MARCHF1: variants seen among roughly 807,000 people sequenced by gnomAD.
MARCHF1 encodes membrane associated ring-CH-type finger 1.
Under a neutral mutation model 54.2 loss-of-function variants are expected in MARCHF1, and 40 were observed. The observed-to-expected ratio is 0.74, with a 90% confidence interval of 0.57 to 0.96. The LOEUF (loss-of-function observed/expected upper bound fraction) is 0.96. MARCHF1 is among the 40% of genes least tolerant of loss of function. The pLI, the probability that MARCHF1 is intolerant of heterozygous loss-of-function variation, is 0.00. For synonymous variants in MARCHF1, 236 were observed against 236.3 expected, an observed-to-expected ratio of 1.00 and a Z score of 0.01; for missense variants, 586 against 656.5, an observed-to-expected ratio of 0.89 and a Z score of 1.17.
chr4:164,237,628 G>A (rs1233635612), intron 1 of MARCHF1, among the ~76,000 whole-genome samples: 2 of 151,936 alleles, frequency 1.3e-5, no homozygotes, highest in Admixed American at 6.6e-5. Flanking sequence ...AAAACACTCT[G>A]ATATTGCTTT....
chr4:164,072,721 A>C (rs1037960680), intron 2 of MARCHF1, among the ~76,000 whole-genome samples: 2 of 151,856 alleles, frequency 1.3e-5, no homozygotes, highest in Non-Finnish European at 2.9e-5. Flanking sequence ...AAAAAAAAAA[A>C]AAAACTTCAT....
At chr4:164,139,562 C>T (rs1262764938) in intron 1 of MARCHF1, among the ~76,000 whole-genome samples, 2 of 151,074 alleles carry the variant, frequency 1.3e-5, no homozygotes, top group East Asian at 3.9e-4. Context: ...CACAAAGGGG[C>T]TGGGAAAGTA....
chr4:163,750,489 T>A (rs111960218), intron 4 of MARCHF1, among the ~76,000 whole-genome samples: 5,853 of 150,912 alleles, frequency 0.039, 167 homozygotes, highest in East Asian at 0.077. Context: ...CCAGCCTGGG[T>A]GACAGAGCAA....
chr4:164,159,674 A>G (rs1387481047), intron 1 of MARCHF1, among the ~76,000 whole-genome samples: 1 of 152,184 alleles, frequency 6.6e-6, no homozygotes, highest in Non-Finnish European at 1.5e-5. Context: ...TTGTGCAGAA[A>G]CGTTTTTAAT....
intron 1 of MARCHF1, among the ~76,000 whole-genome samples, chr4:164,320,479 G>A (rs566097340): frequency 5.3e-5 from 8 of 152,090 alleles, no homozygotes; most frequent in Admixed American, 2.0e-4. Flanking sequence ...AGGGACAACC[G>A]TTTCTCACTT....
chr4:164,092,164 G>T (rs1021623844), intron 2 of MARCHF1, among the ~76,000 whole-genome samples: 1 of 152,048 alleles, frequency 6.6e-6, no homozygotes, highest in South Asian at 2.1e-4. Flanking sequence ...GTAGTCAGCT[G>T]GGGGAAACAG....
intron 2 of MARCHF1, among the ~76,000 whole-genome samples, chr4:164,025,383 A>C (rs1448284537): frequency 1.3e-5 from 2 of 152,182 alleles, no homozygotes; most frequent in Non-Finnish European, 2.9e-5. Context: ...AATCATACCA[A>C]CCACACTCTC....
chr4:164,249,889 T>C (rs571346979), intron 1 of MARCHF1, among the ~76,000 whole-genome samples: 1 of 152,088 alleles, frequency 6.6e-6, no homozygotes, highest in South Asian at 2.1e-4. Context: ...GAAAATACAA[T>C]AGAAAACTTT....
intron 1 of MARCHF1, among the ~76,000 whole-genome samples, chr4:164,128,130 C>A (rs1278373608): frequency 1.3e-5 from 2 of 152,030 alleles, no homozygotes; most frequent in Non-Finnish European, 2.9e-5. Flanking sequence ...GGATCTATGT[C>A]TAACACCACA....
intron 4 of MARCHF1, among the ~76,000 whole-genome samples, chr4:163,735,780 CATT>C (rs1231148510): frequency 6.6e-6 from 1 of 152,150 alleles, no homozygotes; most frequent in African/African-American, 2.4e-5. Context: ...CTGGAACACT[CATT>C]GTTACCAATT....
chr4:163,642,644 A>T (rs1037320251), intron 5 of MARCHF1, among the ~76,000 whole-genome samples: 1 of 152,132 alleles, frequency 6.6e-6, no homozygotes, highest in Non-Finnish European at 1.5e-5. Flanking sequence ...AAATGAAGGG[A>T]TGGGTGATTA....
chr4:164,176,967 T>C lies in MARCHF1; in HGVS notation c.-322-65305A>G, dbSNP rs1207419211. Among the ~76,000 whole-genome samples the C allele has an allele frequency of 3.4e-4, 15 of 44,248 alleles. 1 individual carries two copies. Among genetic ancestry groups the C allele is most frequent in the African/African-American group, 1.1e-3 (10 of 9,202 alleles). 29.0% of individuals were successfully genotyped at this position (44,248 alleles called of 152,430 possible). On this transcript the variant is annotated intron_variant, in intron 1 of 9. Coordinates refer to ENST00000514618, the MANE Select transcript of MARCHF1 (RefSeq NM_001394959.1). ...CTCTCTCTCTCTCTCTCTCTCTCTC[T>C]CTCTCTCTCTCTCTATATATATATA...
At chr4:163,962,462 T>C (rs1004796725) in intron 3 of MARCHF1, among the ~76,000 whole-genome samples, 1 of 151,894 alleles carries the variant, frequency 6.6e-6, no homozygotes, top group African/African-American at 2.4e-5. Context: ...TACAGGTCCA[T>C]AGTTCTTATT....
intron 1 of MARCHF1, among the ~76,000 whole-genome samples, chr4:164,229,627 G>A (rs1353520618): frequency 2.6e-5 from 4 of 152,142 alleles, no homozygotes; most frequent in Non-Finnish European, 5.9e-5. Flanking sequence ...ATAAAGAAAA[G>A]AGGTTTAATT....
intron 4 of MARCHF1, among the ~76,000 whole-genome samples, chr4:163,780,409 A>C (rs1747429568): frequency 6.6e-6 from 1 of 152,194 alleles, no homozygotes; most frequent in Non-Finnish European, 1.5e-5. Context: ...GTGAAATTTT[A>C]AAATTTATAT....
intron 1 of MARCHF1, among the ~76,000 whole-genome samples, chr4:164,217,779 G>A (rs1731974653): frequency 6.6e-6 from 1 of 152,124 alleles, no homozygotes; most frequent in South Asian, 2.1e-4. Context: ...CCTAAAAGGT[G>A]CTCCCCACTC....
intron 4 of MARCHF1, among the ~76,000 whole-genome samples, chr4:163,745,784 C>T (rs1163444628): frequency 6.6e-6 from 1 of 152,034 alleles, no homozygotes; most frequent in Non-Finnish European, 1.5e-5. Context: ...TTTCACCTTA[C>T]AGAAGCTGGG....
intron 7 of MARCHF1, among the ~76,000 whole-genome samples, chr4:163,592,847 C>T (rs1019041198): frequency 6.6e-6 from 1 of 152,048 alleles, no homozygotes; most frequent in Admixed American, 6.6e-5. Context: ...TGAGAGGTCT[C>T]CATGGGCTCT....
intron 4 of MARCHF1, among the ~76,000 whole-genome samples, chr4:163,818,931 C>G (rs968420038): frequency 1.3e-5 from 2 of 152,074 alleles, no homozygotes; most frequent in Non-Finnish European, 2.9e-5. Flanking sequence ...ACATCCTGCT[C>G]CCTTGTCTTT....
Sources: gnomAD v4.1 joint callset for allele counts (sites outside exome capture counted in the v4.1 genomes callset) on GRCh38, gnomAD v4.1.1 for gene constraint, MANE v1.5 for transcripts, NCBI Gene and HGNC (gene_info 2026-07-23, HGNC 2026-07-21) for gene names.